ROBO2: variants seen among roughly 807,000 people sequenced by gnomAD.
The protein encoded by ROBO2 is roundabout guidance receptor 2.
ROBO2 carries 53 observed loss-of-function variants against 160.8 expected under a neutral mutation model. That is an observed-to-expected ratio of 0.33 (90% CI 0.26 to 0.41). The LOEUF is 0.41. Ranked by LOEUF, ROBO2 falls within the 10% of genes least tolerant of loss-of-function variation. ROBO2 has a pLI of 1.00. For missense variants in ROBO2, 1,577 were observed against 1,722.4 expected, an observed-to-expected ratio of 0.92 and a Z score of 1.49; for synonymous variants, 664 against 611.7, an observed-to-expected ratio of 1.09 and a Z score of -1.26.
At chr3:77,118,410 T>A (rs2150240960) in intron 2 of ROBO2, among the ~76,000 whole-genome samples, 1 of 152,304 alleles carries the variant, frequency 6.6e-6, no homozygotes, top group South Asian at 2.1e-4. Flanking sequence ...GGGAAGCCAT[T>A]GTAACATTTT....
Position 77,510,174 on chromosome 3 carries a change from G to A in ROBO2, c.807-12601G>A, listed in dbSNP as rs145091619. On this transcript the variant is annotated intron_variant, in intron 5 of 25. Coordinates refer to ENST00000461745, the Ensembl canonical transcript of ROBO2. ...GAGAGCCAGTCAAGAGTGAATTGGA[G>A]TTTTTATTAATCTACTGTATATATT... Among the ~76,000 whole-genome samples the A allele has an allele frequency of 1.4e-3, 215 of 152,100 alleles. 2 individuals carry two copies. In the East Asian group the frequency reaches 0.035, roughly 25 times the overall value.
chr3:77,503,292 G>T (rs183705800), intron 5 of ROBO2, among the ~76,000 whole-genome samples: 2,678 of 151,526 alleles, frequency 0.018, 77 homozygotes, highest in African/African-American at 0.059. Flanking sequence ...TTGGGAAGCC[G>T]AGGCGGGCAG....
intron 2 of ROBO2, among the ~76,000 whole-genome samples, chr3:76,030,081 C>A (rs995812863): frequency 6.6e-6 from 1 of 152,156 alleles, no homozygotes; most frequent in Non-Finnish European, 1.5e-5. Flanking sequence ...GATGGTATCT[C>A]ATTGTGGTTT....
chr3:77,496,593 C>G (rs1029478932), intron 5 of ROBO2, among the ~76,000 whole-genome samples: 1 of 152,098 alleles, frequency 6.6e-6, no homozygotes, highest in African/African-American at 2.4e-5. Flanking sequence ...ATTTCTTTGG[C>G]TTAACATTTA....
intron 2 of ROBO2, among the ~76,000 whole-genome samples, chr3:75,978,113 G>T (rs1217078388): frequency 1.3e-5 from 2 of 151,502 alleles, no homozygotes; most frequent in East Asian, 3.9e-4. Context: ...GTTTTCAGTA[G>T]ATATTAAATT....
At chr3:77,248,515 T>A (rs2089986969) in intron 2 of ROBO2, among the ~76,000 whole-genome samples, 1 of 152,168 alleles carries the variant, frequency 6.6e-6, no homozygotes, top group African/African-American at 2.4e-5. Flanking sequence ...CGTCTGGGGC[T>A]TCAGGGGTCG....
At chr3:76,021,194 A>C (rs2066564885) in intron 2 of ROBO2, among the ~76,000 whole-genome samples, 1 of 151,830 alleles carries the variant, frequency 6.6e-6, no homozygotes, top group South Asian at 2.1e-4. Flanking sequence ...GTGAGTCCAA[A>C]ATATTGCCTA....
At chr3:77,478,811 T>G (rs1265533688) in intron 3 of ROBO2, among the ~76,000 whole-genome samples, 1 of 152,158 alleles carries the variant, frequency 6.6e-6, no homozygotes, top group Non-Finnish European at 1.5e-5. Context: ...AAAACAGAAC[T>G]AGATAGGCTG....
chr3:77,020,102 G>T (rs1234544505), intron 2 of ROBO2, among the ~76,000 whole-genome samples: 1 of 152,066 alleles, frequency 6.6e-6, no homozygotes, highest in Non-Finnish European at 1.5e-5. Flanking sequence ...TATTAAAAGG[G>T]GACATGGGTT....
At chr3:76,529,017 C>T (rs1161109079) in intron 2 of ROBO2, among the ~76,000 whole-genome samples, 1 of 152,046 alleles carries the variant, frequency 6.6e-6, no homozygotes. Context: ...TTGATAAGAG[C>T]AGTTTTTATA....
intron 1 of ROBO2, among the ~76,000 whole-genome samples, chr3:77,076,342 C>T (rs1300214859): frequency 7.9e-5 from 12 of 152,036 alleles, no homozygotes; most frequent in Admixed American, 6.6e-4. Context: ...TAAATTATAG[C>T]ACCTAATTCA....
At chr3:77,549,810 G>A (rs938012318) in intron 7 of ROBO2, among the ~76,000 whole-genome samples, 6 of 151,958 alleles carry the variant, frequency 3.9e-5, no homozygotes, top group African/African-American at 1.4e-4. Flanking sequence ...GAATGTTATT[G>A]CCTCCTGATT....
At chr3:77,426,100 G>C (rs61659340) in intron 2 of ROBO2, among the ~76,000 whole-genome samples, 6,521 of 152,178 alleles carry the variant, frequency 0.043, 474 homozygotes, top group African/African-American at 0.15. Flanking sequence ...GAACGAAGCA[G>C]GAATGTCACG....
chr3:77,586,120 T>C (rs1428003556), intron 16 of ROBO2, among the ~76,000 whole-genome samples: 1 of 152,130 alleles, frequency 6.6e-6, no homozygotes, highest in African/African-American at 2.4e-5. Flanking sequence ...ACATTGGTGT[T>C]GTTCTTTTCT....
chr3:77,563,089 T>C, intron 10 of ROBO2, 78 bp from the exon 12 acceptor site: 3 of 1,400,934 alleles, frequency 2.1e-6, no homozygotes, highest in Non-Finnish European at 3.0e-6. Flanking sequence ...GGTCCTTTAG[T>C]AGACTGCTTC....
chr3:77,613,678 C>T (rs572874968), intron 21 of ROBO2, among the ~76,000 whole-genome samples: 19 of 152,136 alleles, frequency 1.2e-4, no homozygotes, highest in East Asian at 9.7e-4. Flanking sequence ...AATACATACG[C>T]GTATGACTTA....
intron 2 of ROBO2, among the ~76,000 whole-genome samples, chr3:76,006,861 TGGAAA>T (rs2066032346): frequency 6.6e-6 from 1 of 152,064 alleles, no homozygotes; most frequent in Non-Finnish European, 1.5e-5. Flanking sequence ...AATATTTTAA[TGGAAA>T]ATAAAAATCA....
At chr3:77,638,516 G>A (rs751172856) in intron 24 of ROBO2, among the ~76,000 whole-genome samples, 21 of 152,100 alleles carry the variant, frequency 1.4e-4, no homozygotes, top group Non-Finnish European at 2.5e-4. Flanking sequence ...ACTAACTACT[G>A]GGGTGAGAAA....
intron 5 of ROBO2, among the ~76,000 whole-genome samples, chr3:77,516,360 A>C (rs1333971561): frequency 2.6e-5 from 4 of 151,628 alleles, no homozygotes; most frequent in African/African-American, 4.8e-5. Context: ...TAAATGAAAG[A>C]GTATATTTGA....
Sources: allele counts gnomAD v4.1 joint callset (sites outside exome capture counted in the v4.1 genomes callset), GRCh38; gene constraint gnomAD v4.1.1; transcripts MANE v1.5; gene names NCBI Gene and HGNC (gene_info 2026-07-23, HGNC 2026-07-21).